IMPDH2: variants seen among roughly 807,000 people sequenced by gnomAD.
IMPDH2 encodes inosine-5'-monophosphate dehydrogenase 2.
A neutral mutation model predicts 57.8 loss-of-function variants in IMPDH2; 33 were observed. That is an observed-to-expected ratio of 0.57 (90% CI 0.43 to 0.76). IMPDH2 has a LOEUF of 0.76. Among genes scored for constraint, IMPDH2 ranks in the 30% least tolerant of loss-of-function variants. The pLI is 0.00. For missense variants in IMPDH2, 446 were observed against 659.1 expected (o/e 0.68, Z 3.54); for synonymous variants, 270 against 241.3 (o/e 1.12, Z -1.10).
intron 2 of IMPDH2, 107 bp from the exon 3 acceptor site, chr3:49,028,639 C>G: frequency 7.7e-7 from 1 of 1,302,110 alleles, no homozygotes; most frequent in East Asian, 2.3e-5. Flanking sequence ...TGCTAACAAG[C>G]AACATGATCC....
Position 49,026,400 on chromosome 3 carries a change from G to C in IMPDH2, c.930C>G (p.Ala310=). 6.2e-7 allele frequency: 1 copy of C among 1,613,786 alleles called. No individual in the cohort carries two copies. The change falls in exon 9 of 14, where the codon GCC becomes GCG. Residue 310 remains alanine, a synonymous_variant. Coordinates refer to ENST00000326739, the MANE Select transcript of IMPDH2 (RefSeq NM_000884.3). The part of the protein sequence containing the change: ...IGGNVVTAAQ[A]KNLIDAGVDA... ...CCACACCTGCATCAATGAGGTTCTT[G>C]GCCTGGGCAGCAGTGACCACTATGG...
Position 49,027,753 on chromosome 3 carries a change from AT to A in IMPDH2, c.487del (p.Ile163LeufsTer16). The A allele has an allele frequency of 6.2e-7, 1 of 1,614,170 alleles. No homozygotes were observed. Among genetic ancestry groups the A allele is most frequent in the Non-Finnish European group, 8.5e-7 (1 of 1,180,036 alleles). ...RLVGIISSRDIDFLKEEEHDC... is the reference protein window; with the variant it reads ...RLVGIISSRDXDFLKEEEHDC... ...ATGTTCCTCCTCTTTGAGAAAATCA[AT>A]GTCCCTGGAGGAGATGATGCCCACC... On this transcript the variant is annotated frameshift_variant, in exon 5 of 14. Coordinates refer to ENST00000326739, the MANE Select transcript of IMPDH2 (RefSeq NM_000884.3). LOFTEE classifies it high-confidence loss of function.
intron 1 of IMPDH2, 131 bp from the exon 2 acceptor site, chr3:49,028,937 GGCACA>G: frequency 1.3e-6 from 1 of 784,344 alleles, no homozygotes; most frequent in Middle Eastern, 2.3e-4. Context: ...GTGTGTCACA[GGCACA>G]GCACAAGGTG....
intron 1 of IMPDH2, 41 bp from the exon 2 acceptor site, chr3:49,028,847 T>C (rs1408366219): frequency 2.6e-6 from 4 of 1,539,674 alleles, no homozygotes; most frequent in African/African-American, 2.7e-5. Flanking sequence ...AGCTCTCAGC[T>C]TAGGGCAGCA....
At position 49,026,534 on chromosome 3, in the gene IMPDH2, C is replaced by G. The variant is rs1461046148; in HGVS notation, c.895G>C (p.Val299Leu). 1 of 1,611,792 alleles carries G rather than the reference C, an allele frequency of 6.2e-7. No individual in the cohort carries two copies. The highest frequency in any genetic ancestry group is 8.5e-7 in the Non-Finnish European group (1 of 1,177,788). Residue 299 changes from valine (V) to leucine (L), a missense_variant, in exon 8 of 14, where the codon GTC (valine) becomes CTC (leucine). Physicochemically the swap from Val to Leu is conservative, Grantham distance 32 (BLOSUM62 1). Transcript: ENST00000326739. The part of the protein sequence containing the change: ...YIKDKYPNLQ[V>L]IGGNVVTAAQ... The stretch of plus-strand genomic sequence containing the variant: ...CTTGCCTTACCATTGCCTCCAATGA[C>G]TTGGAGATTAGGGTATTTGTCTTTG...
chr3:49,025,099 C>T (rs746662160), intron 10 of IMPDH2, 27 bp downstream of exon 10: 11 of 1,614,254 alleles, frequency 6.8e-6, no homozygotes, highest in Non-Finnish European at 8.5e-6. Flanking sequence ...GGGGGTCCCA[C>T]TGGCCTTCAC....
In IMPDH2 at chr3:49,025,003, G is replaced by C; in HGVS notation, c.1188C>G (p.Ala396=). The C allele has an allele frequency of 1.2e-6, 2 of 1,614,192 alleles. No homozygotes were observed. Among genetic ancestry groups the C allele is most frequent in the Non-Finnish European group, 1.7e-6 (2 of 1,180,034 alleles). The part of the protein sequence containing the change: ...MGSLLAATTE[A]PGEYFFSDGI... Reference sequence around the variant, plus strand: ...CATCGGAAAAGAAGTATTCACCAGGGGCCTCAGTGGTGGCAGCCAGGAGAG... The same window carrying C: ...CATCGGAAAAGAAGTATTCACCAGGCGCCTCAGTGGTGGCAGCCAGGAGAG... Residue 396 remains alanine, a synonymous_variant, in exon 11 of 14, where the codon GCC becomes GCG. Coordinates refer to ENST00000326739, the MANE Select transcript of IMPDH2 (RefSeq NM_000884.3).
At chr3:49,028,963 CA>C in intron 1 of IMPDH2, 157 bp from the exon 2 acceptor site, 2 of 699,088 alleles carry the variant, frequency 2.9e-6, no homozygotes, top group Admixed American at 2.1e-5. Flanking sequence ...GAAATGGGTA[CA>C]GGGGACCTTT....
Position 49,028,271 on chromosome 3 carries a change from C to T in IMPDH2, c.301G>A (p.Ala101Thr). 4 of 1,614,162 alleles carry T rather than the reference C, an allele frequency of 2.5e-6. No homozygotes were observed. The highest frequency in any genetic ancestry group is 2.2e-5 in the East Asian group (1 of 44,888). Residue 101 changes from alanine (A) to threonine (T), a missense_variant, in exon 4 of 14, where the codon GCC becomes ACC. Transcript: ENST00000326739. ...ACCTTCACTTTCCGAACTTCATTGG[C>T]CTGGAATTCAGGTGTACAGTTGTGG... Reference protein sequence around the residue: ...IHHNCTPEFQANEVRKVKKYE... With the variant: ...IHHNCTPEFQTNEVRKVKKYE...
Position 49,028,470 on chromosome 3 carries a change from C to A in IMPDH2, c.210G>T (p.Met70Ile), listed in dbSNP as rs1559917474. ...TLKTPLVSSP[M>I]DTVTEAGMAI... The stretch of plus-strand genomic sequence containing the variant: ...CCATCCCAGCCTCTGTGACTGTGTC[C>A]ATGGGAGAGGAAACCAGTGGGGTCT... Residue 70 changes from methionine to isoleucine, a missense_variant, in exon 3 of 14, where the codon ATG (methionine) becomes ATT (isoleucine). By Grantham distance (10) the Met-to-Ile change is conservative. Transcript: ENST00000326739. The A allele has an allele frequency of 6.2e-7, 1 of 1,614,132 alleles. No homozygotes were observed. Among genetic ancestry groups the A allele is most frequent in the African/African-American group, 1.3e-5 (1 of 75,024 alleles).
In IMPDH2 at chr3:49,027,756, T is replaced by C; in HGVS notation, c.485A>G (p.Asp162Gly). The change falls in exon 5 of 14, where the codon GAC becomes GGC. Residue 162 changes from aspartate (D) to glycine (G), a missense_variant. By Grantham distance (94) the Asp-to-Gly change is moderately conservative (BLOSUM62 -1). Coordinates refer to ENST00000326739, the MANE Select transcript of IMPDH2 (RefSeq NM_000884.3). The part of the protein sequence containing the change: ...SRLVGIISSR[D>G]IDFLKEEEHD... The stretch of plus-strand genomic sequence containing the variant: ...TTCCTCCTCTTTGAGAAAATCAATG[T>C]CCCTGGAGGAGATGATGCCCACCAA... 1 of 1,614,180 alleles carries C rather than the reference T, an allele frequency of 6.2e-7. No homozygotes were observed.
At position 49,026,780 on chromosome 3, in the gene IMPDH2, T is replaced by C. The variant is rs758219088; in HGVS notation, c.726A>G (p.Lys242=). 7.4e-6 allele frequency: 12 copies of C among 1,614,094 alleles called. No homozygotes were observed. Among genetic ancestry groups the C allele is most frequent in the African/African-American group, 4.0e-5 (3 of 74,926 alleles). ...CAATGGCTGCCCCACACAGCAGCTGTTTCTTGGCATCTTTGGAGGCTAGTG... is the reference window on the plus strand; with the variant it reads ...CAATGGCTGCCCCACACAGCAGCTGCTTCTTGGCATCTTTGGAGGCTAGTG... ...DYPLASKDAK[K]QLLCGAAIGT... The change falls in exon 7 of 14, where the codon AAA becomes AAG. Residue 242 remains lysine, a synonymous_variant. Coordinates refer to ENST00000326739, the MANE Select transcript of IMPDH2 (RefSeq NM_000884.3).
chr3:49,026,656 A>G lies in IMPDH2; in HGVS notation c.819+31T>C, dbSNP rs373553584. ...AGACTGTGATGTGGCAGCTGCCCCT[A>G]TTGCCCCAACCCACCTGTGTAGCAG... is the stretch of plus-strand genomic sequence containing the variant. On this transcript the variant is annotated intron_variant, in intron 7 of 13. Coordinates refer to ENST00000326739, the MANE Select transcript of IMPDH2 (RefSeq NM_000884.3). 4 of 1,612,850 alleles carry G rather than the reference A, an allele frequency of 2.5e-6. No individual in the cohort carries two copies. The Admixed American group carries it at 5.0e-5, about 20-fold the overall frequency.
At chr3:49,029,208 G>A (rs1279438662) in intron 1 of IMPDH2, 45 bp downstream of exon 1, 1 of 1,470,496 alleles carries the variant, frequency 6.8e-7, no homozygotes, top group Non-Finnish European at 9.3e-7. Context: ...TTTTCCCCAG[G>A]GTGCCGCCCC....
rs2093205649 is a variant in IMPDH2, at chr3:49,027,817, T to C, written c.424A>G (p.Ile142Val). The C allele has an allele frequency of 6.2e-7, 1 of 1,614,124 alleles. No individual in the cohort carries two copies. Among genetic ancestry groups the C allele is most frequent in the Non-Finnish European group, 8.5e-7 (1 of 1,179,984 alleles). The stretch of plus-strand genomic sequence containing the variant: ...ATCCGGCCTGTGTCTGTGATTGGGA[T>C]ACCGCAGAAACCATGCCGGGCCTTG... The part of the protein sequence containing the change: ...EAKARHGFCG[I>V]PITDTGRMGS... Residue 142 changes from isoleucine to valine, a missense_variant, in exon 5 of 14, where the codon ATC becomes GTC. Ile to Val is a conservative substitution (Grantham distance 29). Transcript: ENST00000326739.
intron 10 of IMPDH2, 34 bp downstream of exon 10, chr3:49,025,092 G>C (rs1471715556): frequency 2.5e-6 from 4 of 1,614,080 alleles, no homozygotes; most frequent in African/African-American, 1.3e-5. Flanking sequence ...CTAGGGAGGG[G>C]GTCCCACTGG....
At position 49,027,312 on chromosome 3, in the gene IMPDH2, C is replaced by T. The variant is rs116446110; in HGVS notation, c.532-265G>A. ...GACCACCACGTTCATACATTCACAC[C>T]CAAAACACCCTTCCTCAAGGGATCC... On this transcript the variant is annotated intron_variant, in intron 5 of 13. Transcript: ENST00000326739. Among the ~76,000 whole-genome samples the T allele has an allele frequency of 5.2e-3, 788 of 152,132 alleles. 8 individuals are homozygous for T. Among genetic ancestry groups the T allele is most frequent in the African/African-American group, 0.018 (752 of 41,506 alleles).
chr3:49,024,601 TG>T (rs778888440), intron 12 of IMPDH2, 23 bp from the exon 13 acceptor site: 2 of 1,614,188 alleles, frequency 1.2e-6, no homozygotes, highest in South Asian at 2.2e-5. Context: ...AGAGGTCAAA[TG>T]TGGGTAGCTG....
rs775661311 is a variant in IMPDH2, at chr3:49,025,968, C to T, written c.1006+356G>A. On this transcript the variant is annotated intron_variant, in intron 9 of 13. Transcript: ENST00000326739. ...GCAGCCGGGCAGTGGGCAGCTGGGC[C>T]GGGCCAGTGGGCCGGGCTGGACTTA... is the stretch of plus-strand genomic sequence containing the variant. The T allele has an allele frequency of 1.9e-4, 88 of 468,204 alleles. 1 individual carries two copies. Among genetic ancestry groups the T allele is most frequent in the Admixed American group, 1.6e-3 (70 of 42,874 alleles). 29.0% of individuals were successfully genotyped at this position (468,204 alleles called of 1,614,324 possible). A position where few individuals can be genotyped will look rare whatever the true frequency, so the allele number is the denominator to read the frequency against.
Sources: allele counts gnomAD v4.1 joint callset (sites outside exome capture counted in the v4.1 genomes callset), GRCh38; gene constraint gnomAD v4.1.1; transcripts MANE v1.5; gene names NCBI Gene and HGNC (gene_info 2026-07-23, HGNC 2026-07-21).